TRAM2: variants seen among roughly 807,000 people sequenced by gnomAD.
TRAM2 encodes the protein translocation associated membrane protein 2.
A neutral mutation model predicts 51.0 loss-of-function variants in TRAM2; 12 were observed. The ratio of observed to expected loss-of-function variants is 0.24; its 90% CI spans 0.15 to 0.38. The LOEUF is 0.38. TRAM2 is among the 10% of genes least tolerant of loss of function. TRAM2 has a pLI of 1.00. For missense variants in TRAM2, 361 were observed against 462.0 expected, an observed-to-expected ratio of 0.78 and a Z score of 2.00; for synonymous variants, 175 against 179.4, an observed-to-expected ratio of 0.98 and a Z score of 0.20.
rs73429552 is a variant in TRAM2 at position 52,576,785 on chromosome 6, C to G, written c.120+11G>C. On this transcript the variant is annotated intron_variant, in intron 1 of 10. Coordinates refer to ENST00000182527, the MANE Select transcript of TRAM2 (RefSeq NM_012288.4). ...ACTGTCCCTCCAGCTCCCTCCTCCC[C>G]AGGCTCTCACCTCGAACATAAGCCC... is the stretch of plus-strand genomic sequence containing the variant. 6.2e-7 allele frequency: 1 copy of G among 1,611,720 alleles called. No homozygotes were observed. The highest frequency in any genetic ancestry group is 8.5e-7 in the Non-Finnish European group (1 of 1,178,868).
At chr6:52,526,990 A>G (rs975661499) in intron 2 of TRAM2, among the ~76,000 whole-genome samples, 3 of 152,192 alleles carry the variant, frequency 2.0e-5, no homozygotes, top group African/African-American at 7.2e-5. Flanking sequence ...TTTTTAATTA[A>G]GGCTTTTTTT....
intron 2 of TRAM2, chr6:52,530,016 T>G (rs1163423722): frequency 1.3e-5 from 2 of 152,142 alleles, no homozygotes; most frequent in Non-Finnish European, 2.9e-5. Context: ...CCGAGCAGGG[T>G]GGATGGTTGT....
At chr6:52,560,934 A>G (rs1767487857) in intron 1 of TRAM2, among the ~76,000 whole-genome samples, 1 of 152,210 alleles carries the variant, frequency 6.6e-6, no homozygotes, top group African/African-American at 2.4e-5. Flanking sequence ...TCCACACAAA[A>G]ACTTGCACAC....
intron 1 of TRAM2, among the ~76,000 whole-genome samples, chr6:52,558,142 C>G (rs555566202): frequency 6.6e-6 from 1 of 152,162 alleles, no homozygotes; most frequent in Non-Finnish European, 1.5e-5. Flanking sequence ...GCACAGCTCT[C>G]GCACAAGCAA....
chr6:52,506,424 T>G (rs1766351683), intron 7 of TRAM2, among the ~76,000 whole-genome samples: 1 of 152,184 alleles, frequency 6.6e-6, no homozygotes. Context: ...ACTTAGCACC[T>G]TGCACTCATC....
At chr6:52,521,895 G>A (rs1235367192) in intron 2 of TRAM2, among the ~76,000 whole-genome samples, 3 of 152,126 alleles carry the variant, frequency 2.0e-5, no homozygotes, top group Non-Finnish European at 4.4e-5. Flanking sequence ...AGAAGAATAA[G>A]TCCAGCACAT....
intron 2 of TRAM2, among the ~76,000 whole-genome samples, chr6:52,535,266 G>A (rs775833291): frequency 1.3e-5 from 2 of 152,242 alleles, no homozygotes; most frequent in Non-Finnish European, 2.9e-5. Flanking sequence ...ACCACGTGGT[G>A]CAGCAGGTCC....
intron 2 of TRAM2, among the ~76,000 whole-genome samples, chr6:52,532,069 T>C (rs1159888115): frequency 6.6e-6 from 1 of 152,198 alleles, no homozygotes; most frequent in Non-Finnish European, 1.5e-5. Flanking sequence ...GCCCAGAGGG[T>C]CTGAGTTCAG....
At chr6:52,570,660 T>C (rs970111929) in intron 1 of TRAM2, among the ~76,000 whole-genome samples, 5 of 151,816 alleles carry the variant, frequency 3.3e-5, no homozygotes, top group African/African-American at 4.8e-5. Flanking sequence ...TGCCAGCCCC[T>C]CCAGACAAAT....
intron 1 of TRAM2, among the ~76,000 whole-genome samples, chr6:52,559,888 T>C (rs938373716): frequency 1.1e-4 from 17 of 152,070 alleles, no homozygotes; most frequent in African/African-American, 4.1e-4. Flanking sequence ...CAAAACAGAA[T>C]TGTGGGAAGT....
rs1283778312 is a variant in TRAM2 at position 52,535,892 on chromosome 6, C to G, written c.121-46G>C. 1.9e-6 allele frequency: 3 copies of G among 1,555,586 alleles called. No individual in the cohort carries two copies. The South Asian group carries it at 3.4e-5, about 18-fold the overall frequency. On this transcript the variant is annotated intron_variant, in intron 1 of 10. Transcript: ENST00000182527. Reference sequence around the variant, plus strand: ...GTTCCAGTTTAGCTTTTGGCCACATCAAAAGAAACAAGTGGAAGCTGCTAA... The same window carrying G: ...GTTCCAGTTTAGCTTTTGGCCACATGAAAAGAAACAAGTGGAAGCTGCTAA...
rs1766335724 is a variant in TRAM2 at position 52,505,733 on chromosome 6, G to T, written c.741C>A (p.Ala247=). 6.2e-7 allele frequency: 1 copy of T among 1,610,020 alleles called. No homozygotes were observed. Among genetic ancestry groups the T allele is most frequent in the African/African-American group, 1.3e-5 (1 of 74,772 alleles). ...GGGTAACCCCAAAAACAGCAGCCCA[G>T]GCACTGAACCTGCTCACAGAGGCAG... is the stretch of plus-strand genomic sequence containing the variant. The part of the protein sequence containing the change: ...ADENNEKLFS[A]WAAVFGVTRL... Residue 247 remains alanine, a synonymous_variant, in exon 9 of 11, where the codon GCC becomes GCA. Coordinates refer to ENST00000182527, the MANE Select transcript of TRAM2 (RefSeq NM_012288.4).
rs1222082951 is a variant in TRAM2, at chr6:52,503,132, G to A, written c.*65C>T. Reference sequence around the variant, plus strand: ...GGCAGGAAGGAGGAGGCAGGGAGGGGGCCTGGGCTCCTTGCCCCCTGCTCG... The same window carrying A: ...GGCAGGAAGGAGGAGGCAGGGAGGGAGCCTGGGCTCCTTGCCCCCTGCTCG... On this transcript the variant is annotated 3_prime_UTR_variant, in exon 11 of 11. Transcript: ENST00000182527. The A allele has an allele frequency of 1.5e-6, 2 of 1,364,480 alleles. No individual in the cohort carries two copies. Among genetic ancestry groups the A allele is most frequent in the African/African-American group, 1.4e-5 (1 of 69,916 alleles). The allele number at this position is 1,364,480 out of a possible 1,614,324, so 84.5% of individuals were successfully genotyped here.
intron 2 of TRAM2, among the ~76,000 whole-genome samples, chr6:52,518,363 G>A (rs1019067412): frequency 6.6e-6 from 1 of 152,214 alleles, no homozygotes; most frequent in African/African-American, 2.4e-5. Flanking sequence ...TGAGCGGCGG[G>A]CTGCTGTGCG....
At chr6:52,559,535 G>A (rs1029162822) in intron 1 of TRAM2, among the ~76,000 whole-genome samples, 30 of 152,224 alleles carry the variant, frequency 2.0e-4, no homozygotes, top group African/African-American at 7.0e-4. Flanking sequence ...CAGGCTGATT[G>A]TGGGGGCTGA....
chr6:52,571,948 T>C (rs980451253), intron 1 of TRAM2, among the ~76,000 whole-genome samples: 6 of 152,222 alleles, frequency 3.9e-5, no homozygotes, highest in Admixed American at 2.0e-4. Context: ...CACTGGGTAG[T>C]TAGGGTTAAA....
chr6:52,520,072 A>T (rs543733022), intron 2 of TRAM2, among the ~76,000 whole-genome samples: 1 of 152,364 alleles, frequency 6.6e-6, no homozygotes, highest in South Asian at 2.1e-4. Context: ...AATTGGTTGT[A>T]TAATAACGTG....
intron 1 of TRAM2, among the ~76,000 whole-genome samples, chr6:52,537,605 C>T (rs1766999145): frequency 6.6e-6 from 1 of 152,134 alleles, no homozygotes; most frequent in Non-Finnish European, 1.5e-5. Flanking sequence ...CGGATGCACT[C>T]TGTGTCATGC....
rs1301704631 is a variant in TRAM2, at chr6:52,577,045, A to G, written c.-130T>C. On this transcript the variant is annotated 5_prime_UTR_variant, in exon 1 of 11. Transcript: ENST00000182527. The stretch of plus-strand genomic sequence containing the variant: ...CTCTCCCACAGCCGCTCGCCCGCCC[A>G]GCGCGGAACAACTTCGGGGCCCGCC... 2.8e-6 allele frequency: 3 copies of G among 1,080,754 alleles called. No individual in the cohort carries two copies. The African/African-American group carries it at 5.1e-5, about 18-fold the overall frequency. The allele number at this position is 1,080,754 out of a possible 1,614,324, so 66.9% of individuals were successfully genotyped here.
Sources: gnomAD v4.1 joint callset for allele counts (sites outside exome capture counted in the v4.1 genomes callset) on GRCh38, gnomAD v4.1.1 for gene constraint, MANE v1.5 for transcripts, NCBI Gene and HGNC (gene_info 2026-07-23, HGNC 2026-07-21) for gene names.